The following ESPL1 variants were observed in gnomAD, a reference collection of about 807,000 sequenced individuals.
ESPL1 encodes the protein extra spindle pole bodies like 1, separase.
A neutral mutation model predicts 217.2 loss-of-function variants in ESPL1; 50 were observed. The ratio of observed to expected loss-of-function variants is 0.23; its 90% CI spans 0.18 to 0.29. The LOEUF (loss-of-function observed/expected upper bound fraction) is 0.29. Among genes scored for constraint, ESPL1 ranks in the 10% least tolerant of loss-of-function variants. The probability of loss-of-function intolerance (pLI) is 1.00; values close to 1 mark genes in which losing one functional copy is unlikely to be tolerated. For missense variants in ESPL1, 1,834 were observed against 2,603.0 expected, an observed-to-expected ratio of 0.70 and a Z score of 6.43; for synonymous variants, 994 against 1,081.3, an observed-to-expected ratio of 0.92 and a Z score of 1.58.
rs1943880352 is a variant in ESPL1 at position 53,282,524 on chromosome 12, C to G, written c.2791+89C>G. ...TCTCAAACCTCATCCCCTCTGCTGG[C>G]TAACTATGTGGCCCAGCCTACCTAG... is the stretch of plus-strand genomic sequence containing the variant. On this transcript the variant is annotated intron_variant, in intron 14 of 30. Coordinates refer to ENST00000257934, the MANE Select transcript of ESPL1 (RefSeq NM_012291.5). This position sits in a 1 kb window ranked among gnomAD's most constrained non-coding sequence, Gnocchi z 4.0. 6 of 1,261,096 alleles carry G rather than the reference C, an allele frequency of 4.8e-6. No homozygotes were observed. Among genetic ancestry groups the G allele is most frequent in the Middle Eastern group, 1.9e-4 (1 of 5,364 alleles). 78.1% of individuals were successfully genotyped at this position (1,261,096 alleles called of 1,614,324 possible).
chr12:53,270,106 T>C, intron 3 of ESPL1, 21 bp downstream of exon 3: 1 of 1,579,538 alleles, frequency 6.3e-7, no homozygotes, highest in South Asian at 1.2e-5. Context: ...GACCTGGAGG[T>C]AGGGTGGGGA....
In ESPL1 at chr12:53,293,184, C is replaced by A; in HGVS notation, c.6162-89C>A. ...GAGTTTCTCATTGGTTCAATCCTCT[C>A]CACTCACCCACCCCCACCACCAATG... On this transcript the variant is annotated intron_variant, in intron 30 of 30. Coordinates refer to ENST00000257934, the MANE Select transcript of ESPL1 (RefSeq NM_012291.5). The surrounding 1 kb of genome is among the most constrained non-coding windows in gnomAD (Gnocchi z 4.2). The A allele has an allele frequency of 8.4e-7, 1 of 1,187,048 alleles. No homozygotes were observed. Among genetic ancestry groups the A allele is most frequent in the Non-Finnish European group, 1.2e-6 (1 of 802,780 alleles). The allele number at this position is 1,187,048 out of a possible 1,614,324, so 73.5% of individuals were successfully genotyped here.
intron 24 of ESPL1, 68 bp downstream of exon 24, chr12:53,290,537 A>G: frequency 6.3e-7 from 1 of 1,576,808 alleles, no homozygotes; most frequent in Non-Finnish European, 8.7e-7. Flanking sequence ...TGACTTCTCT[A>G]CCAGACGGCC....
In ESPL1 at chr12:53,291,768, G is replaced by A. The variant is rs745833105; in HGVS notation, c.5599G>A (p.Glu1867Lys). ...CTACGGGCTGTGCCCAACCCAGCCA[G>A]AGCGAGCCCAGGAGCTCCTGAATGA... is the stretch of plus-strand genomic sequence containing the variant. ...LAYGLCPTQPERAQELLNEAV... is the reference protein window; with the variant it reads ...LAYGLCPTQPKRAQELLNEAV... Residue 1867 changes from glutamate to lysine, a missense_variant, in exon 26 of 31, where the codon GAG becomes AAG. Physicochemically the swap from Glu to Lys is moderately conservative, Grantham distance 56. Coordinates refer to ENST00000257934, the MANE Select transcript of ESPL1 (RefSeq NM_012291.5). The A allele has an allele frequency of 1.2e-6, 2 of 1,613,048 alleles. No homozygotes were observed. Among genetic ancestry groups the A allele is most frequent in the Non-Finnish European group, 8.5e-7 (1 of 1,179,618 alleles).
Position 53,293,039 on chromosome 12 carries a change from A to T in ESPL1, c.6161+69A>T. ...CTGCCCTCACCCCAGGTTCTTTCCCAGGTCTGAATCTTGCCTCTCTTGTGC... is the reference window on the plus strand; with the variant it reads ...CTGCCCTCACCCCAGGTTCTTTCCCTGGTCTGAATCTTGCCTCTCTTGTGC... On this transcript the variant is annotated intron_variant, in intron 30 of 30. Transcript: ENST00000257934. This position sits in a 1 kb window ranked among gnomAD's most constrained non-coding sequence, Gnocchi z 4.2. 6.8e-7 allele frequency: 1 copy of T among 1,474,406 alleles called. No homozygotes were observed. The highest frequency in any genetic ancestry group is 9.2e-7 in the Non-Finnish European group (1 of 1,081,472). 91.3% of individuals were successfully genotyped at this position (1,474,406 alleles called of 1,614,324 possible). A position where few individuals can be genotyped will look rare whatever the true frequency, so the allele number is the denominator to read the frequency against.
intron 8 of ESPL1, 23 bp downstream of exon 8, chr12:53,276,882 G>C (rs770745247): frequency 1.2e-6 from 2 of 1,610,566 alleles, no homozygotes; most frequent in South Asian, 2.2e-5. Flanking sequence ...AGCTGCAGAG[G>C]CCACTCTTGC....
At position 53,286,640 on chromosome 12, in the gene ESPL1, G is replaced by A. The variant is rs1371703380; in HGVS notation, c.3904G>A (p.Val1302Ile). ...CTGGCAGCCACCATTAATAAAAAGTGTCCCTGGCTCAGAGCCCTCTAAGAC... is the reference window on the plus strand; with the variant it reads ...CTGGCAGCCACCATTAATAAAAAGTATCCCTGGCTCAGAGCCCTCTAAGAC... Reference protein sequence around the residue: ...WGWQPPLIKSVPGSEPSKTQG... With the variant: ...WGWQPPLIKSIPGSEPSKTQG... Residue 1302 changes from valine (V) to isoleucine (I), a missense_variant, in exon 18 of 31, where the codon GTC becomes ATC. Around this residue, in one of 5 missense-constraint regions of ESPL1, gnomAD observed 681 missense variants for 808.0 expected, o/e 0.84. Coordinates refer to ENST00000257934, the MANE Select transcript of ESPL1 (RefSeq NM_012291.5). The surrounding 1 kb of genome is among the most constrained non-coding windows in gnomAD (Gnocchi z 5.3). 6.2e-7 allele frequency: 1 copy of A among 1,614,156 alleles called. No individual in the cohort carries two copies. The highest frequency in any genetic ancestry group is 8.5e-7 in the Non-Finnish European group (1 of 1,180,040).
intron 6 of ESPL1, among the ~76,000 whole-genome samples, chr12:53,273,918 C>T (rs1169211211): frequency 8.6e-6 from 1 of 116,618 alleles, no homozygotes; most frequent in Non-Finnish European, 1.6e-5. Context: ...TGCAGTGGCA[C>T]GATCTCGGCT....
rs760197548 is a variant in ESPL1, at chr12:53,269,879, A to C, written c.937A>C (p.Lys313Gln). 9 of 1,614,168 alleles carry C rather than the reference A, an allele frequency of 5.6e-6. No individual in the cohort carries two copies. The Admixed American group carries it at 6.7e-5, about 12-fold the overall frequency. The change falls in exon 3 of 31, where the codon AAG becomes CAG. Residue 313 changes from lysine (K) to glutamine (Q), a missense_variant. Around this residue, in one of 5 missense-constraint regions of ESPL1, gnomAD observed 746 missense variants for 1,077.0 expected, o/e 0.69. Transcript: ENST00000257934. The surrounding 1 kb of genome is among the most constrained non-coding windows in gnomAD (Gnocchi z 6.7). ...VGEEGPQAVA[K>Q]LLIKASAVLS... ...GGAGGAAGGACCTCAGGCAGTGGCC[A>C]AGCTTCTGATCAAGGCATCAGCTGT...
At chr12:53,273,853 T>G (rs1315957497) in intron 6 of ESPL1, among the ~76,000 whole-genome samples, 129 of 112,184 alleles carry the variant, frequency 1.1e-3, no homozygotes, top group Middle Eastern at 4.3e-3. Flanking sequence ...TTTTTTTTTT[T>G]TTTTTTTTTT....
intron 3 of ESPL1, 77 bp from the exon 4 acceptor site, chr12:53,270,301 A>G: frequency 8.8e-7 from 1 of 1,132,540 alleles, no homozygotes; most frequent in Non-Finnish European, 1.3e-6. Context: ...TCAGCTCTCC[A>G]GGACTCCGGG....
chr12:53,282,290 G>C lies in ESPL1; in HGVS notation c.2646G>C (p.Leu882=), dbSNP rs976539301. The part of the protein sequence containing the change: ...QKVTKGVSLL[L]SVLRDPALQK... ...TGACCAAGGGTGTCTCTCTGCTGCT[G>C]TCTGTGCTTCGGGATCCTGCCCTCC... is the stretch of plus-strand genomic sequence containing the variant. The change falls in exon 14 of 31, where the codon CTG becomes CTC. Residue 882 remains leucine, a synonymous_variant. Coordinates refer to ENST00000257934, the MANE Select transcript of ESPL1 (RefSeq NM_012291.5). This position sits in a 1 kb window ranked among gnomAD's most constrained non-coding sequence, Gnocchi z 4.0. 6.2e-7 allele frequency: 1 copy of C among 1,614,090 alleles called. No homozygotes were observed. The highest frequency in any genetic ancestry group is 1.3e-5 in the African/African-American group (1 of 75,036).
At position 53,277,821 on chromosome 12, in the gene ESPL1, C is replaced by A; in HGVS notation, c.2225C>A (p.Ala742Asp). Reference protein sequence around the residue: ...NIAFNLAADAAQSKCLDQALA... With the variant: ...NIAFNLAADADQSKCLDQALA... ...CAGTCATTTTCTTCTGGCTTAACAG[C>A]TCAGTCCAAATGCCTGGACCAAGCC... The change falls in exon 11 of 31, where the codon GCT (alanine) becomes GAT (aspartate). Residue 742 changes from alanine (A) to aspartate (D), a missense_variant and splice_region_variant. By Grantham distance (126) the Ala-to-Asp change is moderately radical. Transcript: ENST00000257934. 1 of 1,613,682 alleles carries A rather than the reference C, an allele frequency of 6.2e-7. No individual in the cohort carries two copies. The highest frequency in any genetic ancestry group is 8.5e-7 in the Non-Finnish European group (1 of 1,179,790).
chr12:53,281,409 G>C, intron 12 of ESPL1, 98 bp from the exon 13 acceptor site: 11 of 1,275,792 alleles, frequency 8.6e-6, no homozygotes, highest in Non-Finnish European at 1.2e-5. Flanking sequence ...AAAGTGCTGG[G>C]ATTACAGGTG....
rs754484022 is a variant in ESPL1, at chr12:53,288,672, C to T, written c.4681C>T (p.Arg1561Trp). Residue 1561 changes from arginine to tryptophan, a missense_variant, in exon 20 of 31, where the codon CGG becomes TGG. Physicochemically the swap from Arg to Trp is moderately radical, Grantham distance 101 (BLOSUM62 -3). Coordinates refer to ENST00000257934, the MANE Select transcript of ESPL1 (RefSeq NM_012291.5). The part of the protein sequence containing the change: ...ESDKDLGPRL[R>W]LPSAPVATGL... Reference sequence around the variant, plus strand: ...TGACAAGGACCTTGGTCCTCGGCTCCGGCTCCCCTCAGCCCCCGTAGCCAC... The same window carrying T: ...TGACAAGGACCTTGGTCCTCGGCTCTGGCTCCCCTCAGCCCCCGTAGCCAC... 2.4e-5 allele frequency: 38 copies of T among 1,613,242 alleles called. No homozygotes were observed. Among genetic ancestry groups the T allele is most frequent in the East Asian group, 4.5e-5 (2 of 44,894 alleles).
Position 53,285,929 on chromosome 12 carries a change from G to A in ESPL1, c.3193G>A (p.Gly1065Ser). The change falls in exon 18 of 31, where the codon GGT becomes AGT. Residue 1065 changes from glycine (G) to serine (S), a missense_variant. By Grantham distance (56) the Gly-to-Ser change is moderately conservative. Coordinates refer to ENST00000257934, the MANE Select transcript of ESPL1 (RefSeq NM_012291.5). ...LFLLESCTEFGGVTQHLDSVK... is the reference protein window; with the variant it reads ...LFLLESCTEFSGVTQHLDSVK... ...TTGTTCTGCCTTCTCCCCAGAGTTT[G>A]GTGGGGTGACTCAGCACCTGGACTC... The A allele has an allele frequency of 6.6e-7, 1 of 1,518,394 alleles. No individual in the cohort carries two copies. Among genetic ancestry groups the A allele is most frequent in the Non-Finnish European group, 8.8e-7 (1 of 1,131,002 alleles). 94.1% of individuals were successfully genotyped at this position (1,518,394 alleles called of 1,614,324 possible). A position where few individuals can be genotyped will look rare whatever the true frequency, so the allele number is the denominator to read the frequency against.
intron 5 of ESPL1, 136 bp downstream of exon 5, chr12:53,270,934 A>C (rs1428124917): frequency 2.3e-6 from 2 of 886,144 alleles, no homozygotes; most frequent in Non-Finnish European, 3.4e-6. Flanking sequence ...AGAAATGTTT[A>C]TAAGTACCAG....
At chr12:53,275,135 A>G in intron 7 of ESPL1, 125 bp downstream of exon 7, 1 of 694,884 alleles carries the variant, frequency 1.4e-6, no homozygotes, top group South Asian at 2.0e-5. Flanking sequence ...CCCCGTCTCT[A>G]CTACAAATAC....
chr12:53,268,661 T>C, intron 1 of ESPL1, 94 bp from the exon 2 acceptor site: 4 of 699,910 alleles, frequency 5.7e-6, no homozygotes, highest in Non-Finnish European at 2.4e-6. Context: ...ATTTCTGATG[T>C]GATTCTTTGC....
Sources: allele counts gnomAD v4.1 joint callset (sites outside exome capture counted in the v4.1 genomes callset), GRCh38; gene constraint gnomAD v4.1.1; regional missense constraint gnomAD v4.1.1; non-coding constraint Gnocchi (gnomAD v3.1); transcripts MANE v1.5; gene names NCBI Gene and HGNC (gene_info 2026-07-23, HGNC 2026-07-21).